DNAH17: variants seen among roughly 807,000 people sequenced by gnomAD.
DNAH17 encodes the protein axonemal beta dynein heavy chain 17.
A neutral mutation model predicts 485.6 loss-of-function variants in DNAH17; 376 were observed. The ratio of observed to expected loss-of-function variants is 0.77; its 90% CI spans 0.71 to 0.84. The LOEUF (loss-of-function observed/expected upper bound fraction) is 0.84, where lower values mean the gene tolerates loss of function less well. Among genes scored for constraint, DNAH17 ranks in the 40% least tolerant of loss-of-function variants. The pLI, the probability that DNAH17 is intolerant of heterozygous loss-of-function variation, is 0.00. For missense variants in DNAH17, 6,370 were observed against 5,839.3 expected, an observed-to-expected ratio of 1.09 and a Z score of -2.96; for synonymous variants, 3,031 against 2,405.9, an observed-to-expected ratio of 1.26 and a Z score of -7.60.
intron 40 of DNAH17, among the ~76,000 whole-genome samples, 175 bp from the exon 41 acceptor site, chr17:78,494,348 G>T (rs759860533): frequency 3.3e-5 from 5 of 149,838 alleles, no homozygotes; most frequent in African/African-American, 1.2e-4. Flanking sequence ...TAGCTCCACC[G>T]CGACCTCATG....
chr17:78,491,718 G>C (rs1413594635), intron 42 of DNAH17, 148 bp from the exon 43 acceptor site: 4 of 1,308,304 alleles, frequency 3.1e-6, no homozygotes, highest in African/African-American at 1.5e-5. Flanking sequence ...GAGGTGCCCA[G>C]GCTCCCTGCC....
intron 31 of DNAH17, among the ~76,000 whole-genome samples, chr17:78,503,384 A>C (rs1479240364): frequency 7.3e-6 from 1 of 136,530 alleles, no homozygotes; most frequent in Admixed American, 7.6e-5. Flanking sequence ...GTGGGGTTTC[A>C]CCATGTTAGC....
chr17:78,449,451 C>T lies in DNAH17; in HGVS notation c.11174G>A (p.Arg3725Lys), dbSNP rs2087451803. 1 of 1,552,744 alleles carries T rather than the reference C, an allele frequency of 6.4e-7. No homozygotes were observed. The highest frequency in any genetic ancestry group is 1.4e-5 in the African/African-American group (1 of 73,106). Reference sequence around the variant, plus strand: ...TTGTGCCAGGAAAATGAGTTTGTCCCTCTCGAAGAGTCCCCGGGCCGTGTA... The same window carrying T: ...TTGTGCCAGGAAAATGAGTTTGTCCTTCTCGAAGAGTCCCCGGGCCGTGTA... Reference protein sequence around the residue: ...YMYTARGLFERDKLIFLAQVT... With the variant: ...YMYTARGLFEKDKLIFLAQVT... The change falls in exon 69 of 81, where the codon AGG becomes AAG. Residue 3725 changes from arginine (R) to lysine (K), a missense_variant. Transcript: ENST00000389840.
At chr17:78,561,585 G>A (rs573497228) in intron 12 of DNAH17, 130 bp downstream of exon 12, 32 of 1,168,230 alleles carry the variant, frequency 2.7e-5, no homozygotes, top group African/African-American at 4.6e-5. Flanking sequence ...GGTCTCTTCT[G>A]GGCTTTTGCT....
chr17:78,432,913 C>CG (rs1183589624), intron 75 of DNAH17, among the ~76,000 whole-genome samples: 1 of 130,030 alleles, frequency 7.7e-6, no homozygotes, highest in Non-Finnish European at 1.7e-5. Flanking sequence ...CCCCCCCCCC[C>CG]CGACCCCGGT....
intron 48 of DNAH17, among the ~76,000 whole-genome samples, chr17:78,484,445 G>A (rs879859779): frequency 4.6e-5 from 7 of 152,112 alleles, no homozygotes; most frequent in African/African-American, 1.7e-4. Flanking sequence ...TCTCTCTGCT[G>A]GGGCTCCCAG....
intron 44 of DNAH17, among the ~76,000 whole-genome samples, chr17:78,488,354 C>A (rs1222018054): frequency 6.6e-6 from 1 of 152,194 alleles, no homozygotes; most frequent in East Asian, 1.9e-4. Flanking sequence ...CCTGTGTCTG[C>A]TTCTCGCCCA....
intron 31 of DNAH17, among the ~76,000 whole-genome samples, chr17:78,503,232 T>G (rs1336105059): frequency 7.6e-6 from 1 of 132,048 alleles, no homozygotes; most frequent in Non-Finnish European, 1.5e-5. Context: ...CAGGCTGGAG[T>G]GCAGTGGCAT....
intron 48 of DNAH17, among the ~76,000 whole-genome samples, chr17:78,481,201 C>T (rs927225098): frequency 8.0e-5 from 12 of 149,716 alleles, no homozygotes; most frequent in Admixed American, 2.7e-4. Flanking sequence ...CTCCTGGGTT[C>T]GCCCCATTCT....
intron 55 of DNAH17, among the ~76,000 whole-genome samples, chr17:78,468,158 G>T (rs1568099419): frequency 2.0e-5 from 2 of 100,176 alleles, no homozygotes; most frequent in South Asian, 3.3e-4. Flanking sequence ...ACTGAAAATT[G>T]TTAAAAAAAA....
At chr17:78,532,797 G>A in intron 19 of DNAH17, 61 bp from the exon 20 acceptor site, 1 of 1,491,948 alleles carries the variant, frequency 6.7e-7, no homozygotes, top group Non-Finnish European at 9.0e-7. Flanking sequence ...TAATTTAGGT[G>A]TTGTCCTCTC....
At chr17:78,532,915 C>A in intron 19 of DNAH17, 179 bp from the exon 20 acceptor site, 1 of 664,834 alleles carries the variant, frequency 1.5e-6, no homozygotes. Flanking sequence ...ACCTGGTGGT[C>A]CCCCACTCCT....
chr17:78,425,766 T>C, intron 79 of DNAH17, among the ~76,000 whole-genome samples, 195 bp from the exon 80 acceptor site: 1 of 18,782 alleles, frequency 5.3e-5, no homozygotes. Context: ...CTTTTTTTTT[T>C]TTTTTTTTTT....
At chr17:78,444,455 G>A in intron 71 of DNAH17, 149 bp downstream of exon 71, 1 of 726,682 alleles carries the variant, frequency 1.4e-6, no homozygotes, top group Non-Finnish European at 2.2e-6. Flanking sequence ...ACCCCTCTAA[G>A]CCCTGTTTCG....
Position 78,458,444 on chromosome 17 carries a change from A to G in DNAH17, c.9977+121T>C, listed in dbSNP as rs2087916747. ...CTAATTACTTTGAGCTCAAGAAGTGAAAGTGGCAACCTGGCTGCTTCCACC... is the reference window on the plus strand; with the variant it reads ...CTAATTACTTTGAGCTCAAGAAGTGGAAGTGGCAACCTGGCTGCTTCCACC... On this transcript the variant is annotated intron_variant, in intron 62 of 80. Transcript: ENST00000389840. The G allele has an allele frequency of 2.5e-5, 20 of 794,362 alleles. 1 individual carries two copies. In the South Asian group the frequency reaches 3.2e-4, roughly 13 times the overall value. 49.2% of individuals were successfully genotyped at this position (794,362 alleles called of 1,614,324 possible).
rs377225619 is a variant in DNAH17 at position 78,505,388 on chromosome 17, C to T, written c.4861G>A (p.Asp1621Asn). ...DSLCKLKFRL[D>N]ASDKPLKVGL... The stretch of plus-strand genomic sequence containing the variant: ...ACCTTGAGAGGTTTGTCACTGGCAT[C>T]GAGCCGGAACTTCAGTTTACACAGG... Residue 1621 changes from aspartate to asparagine, a missense_variant, in exon 31 of 81, where the codon GAT becomes AAT. By Grantham distance (23) the Asp-to-Asn change is conservative. Transcript: ENST00000389840. 29 of 1,613,844 alleles carry T rather than the reference C, an allele frequency of 1.8e-5. No homozygotes were observed. Among genetic ancestry groups the T allele is most frequent in the East Asian group, 1.8e-4 (8 of 44,884 alleles).
At position 78,492,698 on chromosome 17, in the gene DNAH17, G is replaced by T; in HGVS notation, c.6476C>A (p.Pro2159His). The T allele has an allele frequency of 6.2e-7, 1 of 1,613,452 alleles. No individual in the cohort carries two copies. Among genetic ancestry groups the T allele is most frequent in the Non-Finnish European group, 8.5e-7 (1 of 1,179,742 alleles). Residue 2159 changes from proline (P) to histidine (H), a missense_variant, in exon 42 of 81, where the codon CCC becomes CAC. Pro to His is a moderately conservative substitution (Grantham distance 77). Coordinates refer to ENST00000389840, the MANE Select transcript of DNAH17 (RefSeq NM_173628.4). Reference protein sequence around the residue: ...KRKPVAVDLDPKAVTCDELFG... With the variant: ...KRKPVAVDLDHKAVTCDELFG... Reference sequence around the variant, plus strand: ...GAGCTCGTCGCAGGTGACGGCCTTGGGGTCCAGGTCCACGGCGACCGGCTT... The same window carrying T: ...GAGCTCGTCGCAGGTGACGGCCTTGTGGTCCAGGTCCACGGCGACCGGCTT...
intron 69 of DNAH17, among the ~76,000 whole-genome samples, chr17:78,447,115 G>C (rs572994931): frequency 6.6e-6 from 1 of 152,130 alleles, no homozygotes; most frequent in East Asian, 1.9e-4. Flanking sequence ...TTTTTTTGTG[G>C]AGATGGGGTC....
intron 18 of DNAH17, among the ~76,000 whole-genome samples, chr17:78,538,705 C>T (rs1407178460): frequency 6.6e-6 from 1 of 152,122 alleles, no homozygotes; most frequent in African/African-American, 2.4e-5. Context: ...TTTGTTGAGA[C>T]GCTTTCACTG....
Sources: allele counts gnomAD v4.1 joint callset (sites outside exome capture counted in the v4.1 genomes callset), GRCh38; gene constraint gnomAD v4.1.1; transcripts MANE v1.5; gene names NCBI Gene and HGNC (gene_info 2026-07-23, HGNC 2026-07-21).